The following AHRR variants were observed in gnomAD, a reference collection of about 807,000 sequenced individuals.
AHRR encodes aryl hydrocarbon receptor repressor, also known as ahR repressor.
In AHRR, 28 loss-of-function variants were observed where a neutral mutation model predicts 44.0. The observed-to-expected ratio is 0.64, with a 90% CI of 0.47 to 0.87. AHRR has a LOEUF of 0.87. Among genes scored for constraint, AHRR ranks in the 40% least tolerant of loss-of-function variants. The probability of loss-of-function intolerance (pLI) is 0.00; values close to 1 mark genes in which losing one functional copy is unlikely to be tolerated. For synonymous variants in AHRR, 434 were observed against 407.0 expected, an observed-to-expected ratio of 1.07 and a Z score of -0.80; for missense variants, 990 against 953.9, an observed-to-expected ratio of 1.04 and a Z score of -0.50.
intron 3 of AHRR, among the ~76,000 whole-genome samples, chr5:367,148 A>C (rs573720112): frequency 6.6e-6 from 1 of 152,370 alleles, no homozygotes; most frequent in African/African-American, 2.4e-5. Flanking sequence ...CAGGGTGTTT[A>C]TATGAGCTCT....
At chr5:327,798 C>T (rs6555176) in intron 1 of AHRR, among the ~76,000 whole-genome samples, 14,924 of 151,948 alleles carry the variant, frequency 0.098, 2,368 homozygotes, top group African/African-American at 0.33. Context: ...TTTATTATTA[C>T]TATACTTTAA....
At chr5:386,735 A>G (rs1734181389) in intron 4 of AHRR, among the ~76,000 whole-genome samples, 1 of 152,250 alleles carries the variant, frequency 6.6e-6, no homozygotes, top group African/African-American at 2.4e-5. Flanking sequence ...AATGTGCTAC[A>G]GCAGTAACAG....
chr5:343,097 C>T (rs1431229031), intron 1 of AHRR, among the ~76,000 whole-genome samples: 2 of 152,190 alleles, frequency 1.3e-5, no homozygotes, highest in African/African-American at 4.8e-5. Flanking sequence ...AGGGAGATCA[C>T]ACCACAGAGA....
chr5:351,595 G>A (rs897569500), intron 2 of AHRR, among the ~76,000 whole-genome samples: 1 of 152,208 alleles, frequency 6.6e-6, no homozygotes, highest in Non-Finnish European at 1.5e-5. Context: ...CTAACAGAAG[G>A]GGAATCTAGA....
intron 1 of AHRR, chr5:343,641 G>C (rs1043577115): frequency 4.6e-5 from 22 of 480,794 alleles, no homozygotes; most frequent in Non-Finnish European, 7.3e-5. Context: ...CGGCTTCTCT[G>C]GGGGAGGCCG....
chr5:426,386 A>C (rs1736391314), intron 7 of AHRR, among the ~76,000 whole-genome samples: 1 of 148,454 alleles, frequency 6.7e-6, no homozygotes, highest in African/African-American at 2.5e-5. Flanking sequence ...ACAGATGGAA[A>C]GATGGATGAA....
intron 4 of AHRR, among the ~76,000 whole-genome samples, 163 bp from the exon 5 acceptor site, chr5:413,181 T>A (rs79176590): frequency 0.027 from 4,151 of 152,292 alleles, 91 homozygotes; most frequent in Non-Finnish European, 0.041. Flanking sequence ...ACTTGGAGCC[T>A]GTGACAAAAT....
intron 2 of AHRR, among the ~76,000 whole-genome samples, chr5:353,182 G>T (rs1448421256): frequency 6.6e-6 from 1 of 152,142 alleles, no homozygotes; most frequent in African/African-American, 2.4e-5. Context: ...TTTGCCCTGG[G>T]TACTCTCCCC....
chr5:374,213 C>A (rs1160186977), intron 3 of AHRR, among the ~76,000 whole-genome samples: 1 of 152,108 alleles, frequency 6.6e-6, no homozygotes, highest in Non-Finnish European at 1.5e-5. Flanking sequence ...AGGGCCAGCA[C>A]GGGGGTCTCA....
intron 1 of AHRR, among the ~76,000 whole-genome samples, chr5:332,454 G>C (rs560212558): frequency 6.6e-6 from 1 of 152,042 alleles, no homozygotes; most frequent in African/African-American, 2.4e-5. Context: ...TTTTAGTAGA[G>C]ATGGTGTTTC....
intron 1 of AHRR, among the ~76,000 whole-genome samples, chr5:327,413 C>T (rs193259928): frequency 6.6e-6 from 1 of 152,226 alleles, no homozygotes; most frequent in African/African-American, 2.4e-5. Flanking sequence ...TGTCATCCAT[C>T]ATTCCACTCA....
At chr5:377,720 T>C (rs1733789052) in intron 4 of AHRR, among the ~76,000 whole-genome samples, 1 of 152,286 alleles carries the variant, frequency 6.6e-6, no homozygotes, top group Non-Finnish European at 1.5e-5. Context: ...CGCTAGTGAA[T>C]GGGTCCCAGC....
intron 5 of AHRR, among the ~76,000 whole-genome samples, chr5:417,094 C>T (rs1356374093): frequency 5.9e-4 from 57 of 95,902 alleles, no homozygotes; most frequent in South Asian, 1.1e-3. Flanking sequence ...CCGCTTGGTC[C>T]GTATGTGCAG....
chr5:340,100 G>C (rs951411076), intron 1 of AHRR, among the ~76,000 whole-genome samples: 1 of 152,040 alleles, frequency 6.6e-6, no homozygotes, highest in Non-Finnish European at 1.5e-5. Flanking sequence ...GATATTTTTT[G>C]CCAAGAGAGA....
At chr5:346,613 G>C (rs1428513271) in intron 2 of AHRR, among the ~76,000 whole-genome samples, 1 of 152,210 alleles carries the variant, frequency 6.6e-6, no homozygotes, top group Non-Finnish European at 1.5e-5. Context: ...AGCTATGGAA[G>C]TGTCTCAACC....
chr5:322,949 G>A (rs1008500122), intron 1 of AHRR, among the ~76,000 whole-genome samples: 7 of 152,246 alleles, frequency 4.6e-5, no homozygotes, highest in African/African-American at 1.7e-4. Context: ...TTTACCACGG[G>A]AGAAAGGTTC....
chr5:344,482 G>T (rs1440411266), intron 2 of AHRR, among the ~76,000 whole-genome samples: 24 of 9,570 alleles, frequency 2.5e-3, no homozygotes, highest in South Asian at 5.5e-3. Context: ...GTGTGTGCGC[G>T]GGGGGAGCTG....
chr5:376,555 A>ACCGTGGTGT, intron 3 of AHRR, 55 bp from the exon 4 acceptor site: 1 of 1,428,916 alleles, frequency 7.0e-7, no homozygotes, highest in Non-Finnish European at 9.4e-7. Flanking sequence ...TGAATGAAGA[A>ACCGTGGTGT]GAGTGGCCAG....
chr5:398,589 A>G (rs993729721), intron 4 of AHRR, among the ~76,000 whole-genome samples: 4 of 152,170 alleles, frequency 2.6e-5, no homozygotes, highest in African/African-American at 4.8e-5. Flanking sequence ...CAGTGTCAGC[A>G]CAGGTGAGGG....
Sources: allele counts gnomAD v4.1 joint callset (sites outside exome capture counted in the v4.1 genomes callset), GRCh38; gene constraint gnomAD v4.1.1; transcripts MANE v1.5; gene names NCBI Gene and HGNC (gene_info 2026-07-23, HGNC 2026-07-21).